Variants in CRNKL1 observed in about 807,000 individuals in gnomAD.
CRNKL1 encodes crooked neck-like protein 1.
In CRNKL1, 35 loss-of-function variants were observed where a neutral mutation model predicts 103.7. That is an observed-to-expected ratio of 0.34 (90% CI 0.26 to 0.45). The LOEUF is 0.45. Ranked by LOEUF, CRNKL1 falls within the 20% of genes least tolerant of loss-of-function variation. The probability of loss-of-function intolerance (pLI) is 1.00; values close to 1 mark genes in which losing one functional copy is unlikely to be tolerated. For missense variants in CRNKL1, 645 were observed against 836.0 expected, an observed-to-expected ratio of 0.77 and a Z score of 2.82; for synonymous variants, 267 against 282.6, an observed-to-expected ratio of 0.94 and a Z score of 0.55.
chr20:20,039,544 T>C (rs2043478116), intron 11 of CRNKL1, 65 bp downstream of exon 11: 2 of 1,574,604 alleles, frequency 1.3e-6, no homozygotes, highest in African/African-American at 1.4e-5. Context: ...CACATTTAGA[T>C]GGTCATCTAA....
At chr20:20,040,985 T>G (rs1383878121) in intron 9 of CRNKL1, among the ~76,000 whole-genome samples, 1 of 152,232 alleles carries the variant, frequency 6.6e-6, no homozygotes, top group Non-Finnish European at 1.5e-5. Context: ...TTGTACTGCA[T>G]GGCATGGTAA....
At chr20:20,036,955 A>G (rs1349292624) in intron 13 of CRNKL1, among the ~76,000 whole-genome samples, 1 of 151,938 alleles carries the variant, frequency 6.6e-6, no homozygotes, top group Non-Finnish European at 1.5e-5. Flanking sequence ...GCCTTCACTG[A>G]CTCCCACCAA....
rs1465980266 is a variant in CRNKL1, at chr20:20,048,056, A to G, written c.456-125T>C. ...AACATGTTTTGTCATTTGTATGTAA[A>G]TCTGAAAAAGGATGAACCATTGGAA... On this transcript the variant is annotated intron_variant, in intron 4 of 13. Transcript: ENST00000536226. 2.4e-6 allele frequency: 3 copies of G among 1,248,220 alleles called. No individual in the cohort carries two copies. The African/African-American group carries it at 4.5e-5, about 19-fold the overall frequency. The allele number at this position is 1,248,220 out of a possible 1,614,324, so 77.3% of individuals were successfully genotyped here. A position where few individuals can be genotyped will look rare whatever the true frequency, so the allele number is the denominator to read the frequency against.
intron 12 of CRNKL1, 38 bp from the exon 13 acceptor site, chr20:20,037,609 T>C: frequency 1.3e-6 from 2 of 1,592,838 alleles, no homozygotes; most frequent in Non-Finnish European, 1.7e-6. Flanking sequence ...ATTAACCATA[T>C]CACTCAGAAG....
chr20:20,048,603 A>G (rs961116410), intron 3 of CRNKL1, 102 bp from the exon 4 acceptor site: 7 of 1,167,846 alleles, frequency 6.0e-6, no homozygotes, highest in Middle Eastern at 2.0e-4. Flanking sequence ...TTAGGTGTCT[A>G]CCATGAGCCA....
chr20:20,042,586 G>GA, intron 7 of CRNKL1, 70 bp from the exon 8 acceptor site: 1 of 1,404,622 alleles, frequency 7.1e-7, no homozygotes, highest in Non-Finnish European at 9.7e-7. Flanking sequence ...TAAGCAAGCT[G>GA]AAAAAAGGCA....
chr20:20,036,474 A>G, intron 13 of CRNKL1, 112 bp from the exon 14 acceptor site: 1 of 978,384 alleles, frequency 1.0e-6, no homozygotes, highest in East Asian at 2.6e-5. Context: ...ACAAAATAAC[A>G]TCAAAGTCTA....
upstream of CRNKL1, among the ~76,000 whole-genome samples, chr20:20,054,004 T>TTG (rs1555825920): frequency 2.7e-5 from 3 of 111,622 alleles, no homozygotes; most frequent in Non-Finnish European, 5.6e-5. Context: ...GTGTGTGTTT[T>TTG]TTTTGTTTGT....
Position 20,047,928 on chromosome 20 carries a change from G to A in CRNKL1, c.459C>T (p.Tyr153=), listed in dbSNP as rs781445561. 6.2e-7 allele frequency: 1 copy of A among 1,611,494 alleles called. No individual in the cohort carries two copies. The highest frequency in any genetic ancestry group is 8.5e-7 in the Non-Finnish European group (1 of 1,177,856). Residue 153 remains tyrosine (Y), a synonymous_variant, in exon 5 of 14, where the codon TAC becomes TAT. Coordinates refer to ENST00000536226, the MANE Select transcript of CRNKL1 (RefSeq NM_001278628.2). ...ACATTTCCTCCATGTACGTGTACTT[G>A]TACCTGTAACAAAATCACCCGAAAA... ...TTLPRVNQFW[Y]KYTYMEEMLG... is the part of the protein sequence containing the mutation.
At chr20:20,052,140 C>G in intron 1 of CRNKL1, 152 bp downstream of exon 1, 1 of 729,450 alleles carries the variant, frequency 1.4e-6, no homozygotes, top group East Asian at 2.7e-5. Context: ...ATGACAAGAG[C>G]CCGCGCCCCA....
At chr20:20,049,506 C>A (rs1005819416) in intron 2 of CRNKL1, 75 bp from the exon 3 acceptor site, 2 of 735,544 alleles carry the variant, frequency 2.7e-6, no homozygotes, top group South Asian at 3.4e-5. Context: ...TATTTTAAGT[C>A]TTGTACTAAA....
At chr20:20,049,482 C>T (rs374987613) in intron 2 of CRNKL1, 51 bp from the exon 3 acceptor site, 12 of 924,538 alleles carry the variant, frequency 1.3e-5, no homozygotes, top group Non-Finnish European at 1.7e-5. Flanking sequence ...CTAAAAATGA[C>T]AGCACCCTTG....
intron 6 of CRNKL1, among the ~76,000 whole-genome samples, chr20:20,044,687 A>G (rs2146494774): frequency 6.6e-6 from 1 of 152,292 alleles, no homozygotes; most frequent in South Asian, 2.1e-4. Context: ...TGGCACGAAC[A>G]TAGCTCATTG....
rs2043770413 is a variant in CRNKL1, at chr20:20,052,208, C to G, written c.51+84G>C. 3.0e-5 allele frequency: 37 copies of G among 1,218,798 alleles called. No individual in the cohort carries two copies. In the South Asian group the frequency reaches 5.0e-4, roughly 17 times the overall value. 75.5% of individuals were successfully genotyped at this position (1,218,798 alleles called of 1,614,324 possible). On this transcript the variant is annotated intron_variant, in intron 1 of 13. Coordinates refer to ENST00000536226, the MANE Select transcript of CRNKL1 (RefSeq NM_001278628.2). ...GTGAGCCTTCTCCCCGGCGGGAACA[C>G]TCTCTCCCAACCCGGGCACCCTCAG...
intron 1 of CRNKL1, 49 bp downstream of exon 1, chr20:20,052,243 A>C (rs771688473): frequency 1.3e-6 from 2 of 1,500,326 alleles, no homozygotes; most frequent in Non-Finnish European, 1.8e-6. Flanking sequence ...GGGCTGAGGG[A>C]TGCCCCTTTC....
upstream of CRNKL1, among the ~76,000 whole-genome samples, chr20:20,055,185 T>C (rs937443841): frequency 9.2e-5 from 14 of 152,208 alleles, 1 homozygote; most frequent in Admixed American, 3.9e-4. Flanking sequence ...CTCATGACTT[T>C]TGTTTCTCTT....
At chr20:20,049,716 C>CT (rs1408233091) in intron 2 of CRNKL1, among the ~76,000 whole-genome samples, 2 of 152,196 alleles carry the variant, frequency 1.3e-5, no homozygotes, top group African/African-American at 4.8e-5. Flanking sequence ...AGCATTAGTG[C>CT]TTTAAAACAG....
At position 20,048,333 on chromosome 20, in the gene CRNKL1, A is replaced by C. The variant is rs1038541768; in HGVS notation, c.455+10T>G. On this transcript the variant is annotated intron_variant, in intron 4 of 13. Coordinates refer to ENST00000536226, the MANE Select transcript of CRNKL1 (RefSeq NM_001278628.2). ...CTATAAAAGGCTGTTTTGTTAGATC[A>C]GAAACTTACCAGAACTGATTAACTC... 2 of 1,613,882 alleles carry C rather than the reference A, an allele frequency of 1.2e-6. No individual in the cohort carries two copies. The highest frequency in any genetic ancestry group is 2.7e-5 in the African/African-American group (2 of 74,944).
rs138204178 is a variant in CRNKL1 at position 20,039,658 on chromosome 20, C to T, written c.1496G>A (p.Arg499Gln). 11 of 1,614,120 alleles carry T rather than the reference C, an allele frequency of 6.8e-6. No individual in the cohort carries two copies. The East Asian group carries it at 1.8e-4, about 26-fold the overall frequency. ...ACTGATGGCTAATTCATAGATTGCC[C>T]GTGCTCTGTCAATATCACCAAGGAT... ...ETILGDIDRARAIYELAISQP... is the reference protein window; with the variant it reads ...ETILGDIDRAQAIYELAISQP... The change falls in exon 11 of 14, where the codon CGG becomes CAG. Residue 499 changes from arginine to glutamine, a missense_variant. Physicochemically the swap from Arg to Gln is conservative, Grantham distance 43 (BLOSUM62 1). Transcript: ENST00000536226.
Sources: allele counts gnomAD v4.1 joint callset (sites outside exome capture counted in the v4.1 genomes callset), GRCh38; gene constraint gnomAD v4.1.1; transcripts MANE v1.5; gene names NCBI Gene and HGNC (gene_info 2026-07-23, HGNC 2026-07-21).